The following ADAMTS6 variants were observed in gnomAD, a reference collection of about 807,000 sequenced individuals.
ADAMTS6 encodes A disintegrin and metalloproteinase with thrombospondin motifs 6.
A neutral mutation model predicts 144.3 loss-of-function variants in ADAMTS6; 23 were observed. The observed-to-expected ratio is 0.16, with a 90% CI of 0.11 to 0.23. The LOEUF is 0.23. Among genes scored for constraint, ADAMTS6 ranks in the 10% least tolerant of loss-of-function variants. The pLI is 1.00. For synonymous variants in ADAMTS6, 444 were observed against 457.5 expected, an observed-to-expected ratio of 0.97 and a Z score of 0.38; for missense variants, 999 against 1,379.6, an observed-to-expected ratio of 0.72 and a Z score of 4.37.
intron 20 of ADAMTS6, among the ~76,000 whole-genome samples, chr5:65,207,978 A>G (rs1756233682): frequency 6.6e-6 from 1 of 152,238 alleles, no homozygotes; most frequent in Non-Finnish European, 1.5e-5. Context: ...GTGAAGGAAA[A>G]CTGTAAATAT....
chr5:65,299,722 T>C (rs1445464063), intron 10 of ADAMTS6, among the ~76,000 whole-genome samples: 3 of 152,124 alleles, frequency 2.0e-5, no homozygotes, highest in African/African-American at 4.8e-5. Flanking sequence ...CTTTCTGAAA[T>C]TGTCTCCCAT....
intron 7 of ADAMTS6, among the ~76,000 whole-genome samples, chr5:65,439,994 G>A (rs116794371): frequency 0.028 from 4,306 of 152,146 alleles, 205 homozygotes; most frequent in African/African-American, 0.097. Flanking sequence ...TAGTAGTAGA[G>A]ATGGGGTTTT....
chr5:65,372,647 C>T lies in ADAMTS6; in HGVS notation c.1074-38562G>A, dbSNP rs1039528766. ...CTACAAAGAGACTTAGACTCCCACG[C>T]ATTAATAATGGGAGACTTTAACACC... On this transcript the variant is annotated intron_variant, in intron 7 of 24. Coordinates refer to ENST00000381055, the MANE Select transcript of ADAMTS6 (RefSeq NM_197941.4). Among the ~76,000 whole-genome samples the T allele has an allele frequency of 3.3e-4, 50 of 152,088 alleles. 1 individual carries two copies. Among genetic ancestry groups the T allele is most frequent in the Admixed American group, 1.6e-3 (24 of 15,270 alleles).
rs1188573414 is a variant in ADAMTS6 at position 65,384,604 on chromosome 5, C to T, written c.1074-50519G>A. ...TTTGTACCAATATTCTGCTCATAAC[C>T]ACTTAAGTAATCTCTAAGAAGATTG... On this transcript the variant is annotated intron_variant, in intron 7 of 24. Transcript: ENST00000381055. Among the ~76,000 whole-genome samples, 3 of 152,148 alleles carry T rather than the reference C, an allele frequency of 2.0e-5. No homozygotes were observed. The East Asian group carries it at 5.8e-4, about 29-fold the overall frequency.
intron 11 of ADAMTS6, among the ~76,000 whole-genome samples, chr5:65,290,565 GA>G (rs947479184): frequency 1.1e-4 from 17 of 149,940 alleles, no homozygotes; most frequent in African/African-American, 3.7e-4. Context: ...AAAAGAAAAA[GA>G]AAAAAAAATC....
At chr5:65,423,146 A>G (rs1473294516) in intron 7 of ADAMTS6, among the ~76,000 whole-genome samples, 1 of 152,226 alleles carries the variant, frequency 6.6e-6, no homozygotes, top group Non-Finnish European at 1.5e-5. Context: ...AAAGTGCTAT[A>G]ATGGATACTG....
intron 22 of ADAMTS6, among the ~76,000 whole-genome samples, chr5:65,186,517 A>T (rs1754680755): frequency 6.6e-6 from 1 of 152,172 alleles, no homozygotes; most frequent in Admixed American, 6.5e-5. Context: ...TCCTATTATG[A>T]TTTTCCCATA....
At chr5:65,264,406 T>C (rs1761450783) in intron 12 of ADAMTS6, among the ~76,000 whole-genome samples, 1 of 152,144 alleles carries the variant, frequency 6.6e-6, no homozygotes, top group South Asian at 2.1e-4. Flanking sequence ...TAGTAATGCT[T>C]TGTTCCCAAT....
chr5:65,382,894 C>A (rs1249618192), intron 7 of ADAMTS6, among the ~76,000 whole-genome samples: 1 of 152,154 alleles, frequency 6.6e-6, no homozygotes, highest in Non-Finnish European at 1.5e-5. Context: ...TGCTCACTGT[C>A]CCAGAGGCTG....
intron 7 of ADAMTS6, among the ~76,000 whole-genome samples, chr5:65,407,041 A>T (rs1754579047): frequency 6.6e-6 from 1 of 152,146 alleles, no homozygotes; most frequent in Admixed American, 6.6e-5. Context: ...GGAGAATGGA[A>T]CCAAGTTGGA....
At chr5:65,452,346 ACT>A in intron 5 of ADAMTS6, 130 bp from the exon 6 acceptor site, 1 of 686,724 alleles carries the variant, frequency 1.5e-6, no homozygotes, top group East Asian at 2.7e-5. Flanking sequence ...ATCACTTAGA[ACT>A]CTACCTTCAA....
intron 1 of ADAMTS6, among the ~76,000 whole-genome samples, chr5:65,476,922 A>T (rs1472185949): frequency 6.6e-6 from 1 of 152,146 alleles, no homozygotes; most frequent in African/African-American, 2.4e-5. Flanking sequence ...CGATATATTT[A>T]TAAGTGGTAT....
rs151190978 is a variant in ADAMTS6 at position 65,299,394 on chromosome 5, T to A, written c.1370+591A>T. On this transcript the variant is annotated intron_variant, in intron 10 of 24. Coordinates refer to ENST00000381055, the MANE Select transcript of ADAMTS6 (RefSeq NM_197941.4). ...AAGTGAGATGTGGAAGAACATCTGA[T>A]TTTCTTAACATAGTTATACCTGAGC... Among the ~76,000 whole-genome samples, 355 of 152,294 alleles carry A rather than the reference T, an allele frequency of 2.3e-3. 3 individuals carry two copies. Among genetic ancestry groups the A allele is most frequent in the African/African-American group, 8.1e-3 (336 of 41,566 alleles).
intron 11 of ADAMTS6, among the ~76,000 whole-genome samples, chr5:65,273,691 G>A (rs1482398206): frequency 6.6e-6 from 1 of 151,934 alleles, no homozygotes; most frequent in African/African-American, 2.4e-5. Context: ...ATATTAGTTA[G>A]GATCTTTTTA....
At chr5:65,430,672 G>A (rs1473773647) in intron 7 of ADAMTS6, among the ~76,000 whole-genome samples, 2 of 152,102 alleles carry the variant, frequency 1.3e-5, no homozygotes, top group Non-Finnish European at 2.9e-5. Context: ...GACAGGCAAG[G>A]GGGTTCAAAG....
intron 15 of ADAMTS6, among the ~76,000 whole-genome samples, chr5:65,236,362 A>ACTT (rs1758668892): frequency 6.6e-6 from 1 of 152,118 alleles, no homozygotes; most frequent in African/African-American, 2.4e-5. Flanking sequence ...ATCATAGCTC[A>ACTT]CTGTAGCCTC....
At chr5:65,413,654 C>T (rs13361244) in intron 7 of ADAMTS6, among the ~76,000 whole-genome samples, 39,854 of 151,750 alleles carry the variant, frequency 0.26, 6,760 homozygotes, top group South Asian at 0.36. Flanking sequence ...ATAATGTTAA[C>T]GTCATTTTAC....
intron 7 of ADAMTS6, among the ~76,000 whole-genome samples, chr5:65,416,747 TTA>T (rs1491306162): frequency 1.3e-5 from 1 of 77,822 alleles, no homozygotes; most frequent in Admixed American, 1.1e-4. Flanking sequence ...AAGACTCCAT[TTA>T]AAAAAAAAAA....
At chr5:65,226,559 A>T (rs1009342760) in intron 15 of ADAMTS6, among the ~76,000 whole-genome samples, 1 of 151,970 alleles carries the variant, frequency 6.6e-6, no homozygotes, top group Non-Finnish European at 1.5e-5. Flanking sequence ...AAGGTAATTG[A>T]ATGTTTTTTA....
Sources: gnomAD v4.1 joint callset for allele counts (sites outside exome capture counted in the v4.1 genomes callset) on GRCh38, gnomAD v4.1.1 for gene constraint, MANE v1.5 for transcripts, NCBI Gene and HGNC (gene_info 2026-07-23, HGNC 2026-07-21) for gene names.